The following GRIA2 variants were observed in gnomAD, a reference collection of about 807,000 sequenced individuals.
GRIA2 encodes glutamate ionotropic receptor AMPA type subunit 2.
GRIA2 carries 14 observed loss-of-function variants against 97.3 expected under a neutral mutation model. The observed-to-expected ratio is 0.14, with a 90% CI of 0.10 to 0.23. GRIA2 has a LOEUF of 0.23. Ranked by LOEUF, GRIA2 falls within the 10% of genes least tolerant of loss-of-function variation. The pLI is 1.00. For missense variants in GRIA2, 558 were observed against 1,069.8 expected, an observed-to-expected ratio of 0.52 and a Z score of 6.67; for synonymous variants, 412 against 387.8, an observed-to-expected ratio of 1.06 and a Z score of -0.73.
chr4:157,235,199 C>T (rs2126702869), intron 2 of GRIA2, among the ~76,000 whole-genome samples: 1 of 152,142 alleles, frequency 6.6e-6, no homozygotes. Context: ...CTTTTATCTA[C>T]CTTGTTTGTA....
At chr4:157,221,448 GTT>G (rs1354296236) in intron 1 of GRIA2, 33 of 587,790 alleles carry the variant, frequency 5.6e-5, no homozygotes, top group Non-Finnish European at 4.5e-5. Flanking sequence ...AAAGGTGAAG[GTT>G]TCTGGCCGCC....
At position 157,362,996 on chromosome 4, in the gene GRIA2, T is replaced by C. The variant is rs550170703; in HGVS notation, c.2604T>C (p.Thr868=). Reference sequence around the variant, plus strand: ...CGCAGAATTCACAGAATTTTGCAACTTATAAGGAAGGTTACAACGTATATG... The same window carrying C: ...CGCAGAATTCACAGAATTTTGCAACCTATAAGGAAGGTTACAACGTATATG... ...SSSQNSQNFA[T]YKEGYNVYGI... The change falls in exon 15 of 16, where the codon ACT becomes ACC. Residue 868 remains threonine (T), a synonymous_variant. Transcript: ENST00000264426. 1 of 1,613,396 alleles carries C rather than the reference T, an allele frequency of 6.2e-7. No individual in the cohort carries two copies. Among genetic ancestry groups the C allele is most frequent in the South Asian group, 1.1e-5 (1 of 91,062 alleles).
intron 2 of GRIA2, among the ~76,000 whole-genome samples, chr4:157,228,364 A>G (rs1044636391): frequency 1.3e-5 from 2 of 152,198 alleles, no homozygotes; most frequent in East Asian, 1.9e-4. Flanking sequence ...ACTTTCATCT[A>G]CAACCTAGAT....
chr4:157,223,749 C>A (rs1729616591), intron 2 of GRIA2, among the ~76,000 whole-genome samples: 3 of 152,164 alleles, frequency 2.0e-5, no homozygotes, highest in Non-Finnish European at 4.4e-5. Context: ...GACAGCTGTA[C>A]TTTTTGAAAA....
At chr4:157,298,638 T>TTTTTTTG (rs1733468086) in intron 2 of GRIA2, among the ~76,000 whole-genome samples, 2 of 115,394 alleles carry the variant, frequency 1.7e-5, no homozygotes, top group African/African-American at 3.0e-5. Context: ...TTTTTTTTTT[T>TTTTTTTG]GAGAGAGAAC....
intron 6 of GRIA2, among the ~76,000 whole-genome samples, chr4:157,322,095 T>G (rs1260591236): frequency 1.3e-5 from 2 of 152,052 alleles, no homozygotes; most frequent in African/African-American, 4.8e-5. Context: ...GAATATTATG[T>G]TTGCAAATAA....
Position 157,336,419 on chromosome 4 carries a change from A to C in GRIA2, c.1516A>C (p.Arg506=), listed in dbSNP as rs2126940063. The C allele has an allele frequency of 6.3e-7, 1 of 1,597,730 alleles. No individual in the cohort carries two copies. Among genetic ancestry groups the C allele is most frequent in the African/African-American group, 1.3e-5 (1 of 74,084 alleles). The change falls in exon 11 of 16, where the codon AGA becomes CGA. Residue 506 remains arginine, a synonymous_variant. Coordinates refer to ENST00000264426, the MANE Select transcript of GRIA2 (RefSeq NM_001083619.3). The part of the protein sequence containing the change: ...AIAPLTITLV[R]EEVIDFSKPF... ...TGCTCCATTAACTATTACCCTTGTG[A>C]GAGAAGAGGTGATTGACTTCTCAAA...
At chr4:157,357,507 A>T (rs2126993108) in intron 12 of GRIA2, among the ~76,000 whole-genome samples, 1 of 152,246 alleles carries the variant, frequency 6.6e-6, no homozygotes, top group East Asian at 1.9e-4. Flanking sequence ...TTTCAGTCTG[A>T]TTCAGTATCA....
intron 2 of GRIA2, among the ~76,000 whole-genome samples, chr4:157,226,662 GTGTA>G (rs1729760460): frequency 6.6e-6 from 1 of 152,052 alleles, no homozygotes. Flanking sequence ...GGACTTCTGT[GTGTA>G]TGTATTTATA....
rs141440001 is a variant in GRIA2, at chr4:157,316,813, A to T, written c.667-845A>T. On this transcript the variant is annotated intron_variant, in intron 4 of 15. Transcript: ENST00000264426. ...TTTCATGCTTTCCACTGTTGTGATCATCTCCTTAAAAAACATACATTACAT... is the reference window on the plus strand; with the variant it reads ...TTTCATGCTTTCCACTGTTGTGATCTTCTCCTTAAAAAACATACATTACAT... Among the ~76,000 whole-genome samples the T allele has an allele frequency of 2.3e-4, 35 of 152,346 alleles. 1 individual carries two copies. In the East Asian group the frequency reaches 6.6e-3, roughly 29 times the overall value.
At chr4:157,337,996 GTATATATATGTGTATATATATATATA>G (rs1735365099) in intron 11 of GRIA2, among the ~76,000 whole-genome samples, 1 of 126,082 alleles carries the variant, frequency 7.9e-6, no homozygotes, top group African/African-American at 3.1e-5. Flanking sequence ...ACATATGTGT[GTATATATATGTGTATATATATATATA>G]TATATATATA....
At position 157,355,515 on chromosome 4, in the gene GRIA2, C is replaced by A. The variant is rs574074297; in HGVS notation, c.2044-4381C>A. ...TGCACTCCAGCCTGGGGGACAAGAA[C>A]GAGACTTCATGTCAAAAAAAAAAAA... On this transcript the variant is annotated intron_variant, in intron 12 of 15. Coordinates refer to ENST00000264426, the MANE Select transcript of GRIA2 (RefSeq NM_001083619.3). Among the ~76,000 whole-genome samples, 5 of 127,476 alleles carry A rather than the reference C, an allele frequency of 3.9e-5. No homozygotes were observed. The East Asian group carries it at 1.2e-3, about 32-fold the overall frequency. 83.6% of individuals were successfully genotyped at this position (127,476 alleles called of 152,430 possible).
At chr4:157,225,657 CTT>C (rs1026493679) in intron 2 of GRIA2, among the ~76,000 whole-genome samples, 1 of 141,090 alleles carries the variant, frequency 7.1e-6, no homozygotes, top group Non-Finnish European at 1.5e-5. Flanking sequence ...CCTCTAGGCT[CTT>C]TTGAATAGTT....
intron 6 of GRIA2, among the ~76,000 whole-genome samples, chr4:157,322,301 A>C (rs1176648729): frequency 6.7e-6 from 1 of 150,308 alleles, no homozygotes; most frequent in East Asian, 2.0e-4. Flanking sequence ...ACAGTTGATG[A>C]GTAGCCTGGT....
chr4:157,259,041 G>T (rs535363481), intron 2 of GRIA2, among the ~76,000 whole-genome samples: 1 of 152,004 alleles, frequency 6.6e-6, no homozygotes, highest in Admixed American at 6.6e-5. Context: ...GGGTAATATG[G>T]CAAGAAACCA....
In GRIA2 at chr4:157,220,840, C is replaced by G; in HGVS notation, c.-203C>G. 1.7e-6 allele frequency: 1 copy of G among 577,530 alleles called. No homozygotes were observed. The highest frequency in any genetic ancestry group is 3.1e-6 in the Non-Finnish European group (1 of 324,188). The allele number at this position is 577,530 out of a possible 1,614,324, so 35.8% of individuals were successfully genotyped here. A position where few individuals can be genotyped will look rare whatever the true frequency, so the allele number is the denominator to read the frequency against. On this transcript the variant is annotated 5_prime_UTR_variant, in exon 1 of 16. Transcript: ENST00000264426. ...GTCCTCCGGACTTCTGGAGCGGGGACAGGGCGCAGGGCATCAGCAGCCACC... is the reference window on the plus strand; with the variant it reads ...GTCCTCCGGACTTCTGGAGCGGGGAGAGGGCGCAGGGCATCAGCAGCCACC...
chr4:157,269,053 CATATA>C (rs1731898830), intron 2 of GRIA2, among the ~76,000 whole-genome samples: 1 of 152,052 alleles, frequency 6.6e-6, no homozygotes, highest in Non-Finnish European at 1.5e-5. Context: ...CAAGTACACA[CATATA>C]ATATAGGCTA....
At position 157,348,480 on chromosome 4, in the gene GRIA2, C is replaced by T. The variant is rs377010833; in HGVS notation, c.2043+7018C>T. Among the ~76,000 whole-genome samples the T allele has an allele frequency of 4.4e-4, 67 of 152,214 alleles. 2 individuals carry two copies. The South Asian group carries it at 0.014, about 31-fold the overall frequency. ...TCTCGAGCTCCTGGGCTCAAGTGATCCTCCCACCCCGGCCTCCCAGAATGC... is the reference window on the plus strand; with the variant it reads ...TCTCGAGCTCCTGGGCTCAAGTGATTCTCCCACCCCGGCCTCCCAGAATGC... On this transcript the variant is annotated intron_variant, in intron 12 of 15. Transcript: ENST00000264426.
intron 2 of GRIA2, among the ~76,000 whole-genome samples, chr4:157,302,087 C>T (rs1374647881): frequency 6.6e-6 from 1 of 151,152 alleles, no homozygotes; most frequent in Non-Finnish European, 1.5e-5. Flanking sequence ...GCAGGAGAAT[C>T]GCTTGAACCC....
Sources: gnomAD v4.1 joint callset for allele counts (sites outside exome capture counted in the v4.1 genomes callset) on GRCh38, gnomAD v4.1.1 for gene constraint, MANE v1.5 for transcripts, NCBI Gene and HGNC (gene_info 2026-07-23, HGNC 2026-07-21) for gene names.